The following PARVB variants were observed in gnomAD, a reference collection of about 807,000 sequenced individuals.
PARVB encodes beta-parvin.
A neutral mutation model predicts 47.0 loss-of-function variants in PARVB; 46 were observed. The ratio of observed to expected loss-of-function variants is 0.98; its 90% confidence interval spans 0.77 to 1.25. The LOEUF is 1.25. Among genes scored for constraint, PARVB ranks in the 50% most tolerant of loss-of-function variants. The pLI, the probability that PARVB is intolerant of heterozygous loss-of-function variation, is 0.00. For missense variants in PARVB, 473 were observed against 471.6 expected (o/e 1.00, Z -0.03); for synonymous variants, 196 against 196.3 (o/e 1.00, Z 0.01).
chr22:44,154,207 T>C (rs569178133), intron 10 of PARVB, among the ~76,000 whole-genome samples: 37 of 152,312 alleles, frequency 2.4e-4, no homozygotes, highest in African/African-American at 8.9e-4. Flanking sequence ...TATCTTCATT[T>C]TTTTCCCCCC....
At chr22:44,014,481 A>T (rs1414353424) in intron 2 of PARVB, among the ~76,000 whole-genome samples, 1 of 152,212 alleles carries the variant, frequency 6.6e-6, no homozygotes, top group Admixed American at 6.5e-5. Context: ...CACGAGGCAT[A>T]TGTGGGGAGC....
intron 1 of PARVB, among the ~76,000 whole-genome samples, chr22:44,064,701 A>G (rs2051485147): frequency 6.6e-6 from 1 of 151,686 alleles, no homozygotes; most frequent in Non-Finnish European, 1.5e-5. Flanking sequence ...ACAAAAACAA[A>G]CAGTTGGCTG....
At chr22:44,035,770 A>C (rs995255402) in intron 1 of PARVB, among the ~76,000 whole-genome samples, 1 of 152,086 alleles carries the variant, frequency 6.6e-6, no homozygotes, top group Non-Finnish European at 1.5e-5. Context: ...AACATGATGA[A>C]AAATACGTGG....
At chr22:44,055,956 C>T (rs1476165555) in intron 1 of PARVB, among the ~76,000 whole-genome samples, 1 of 152,206 alleles carries the variant, frequency 6.6e-6, no homozygotes, top group Non-Finnish European at 1.5e-5. Context: ...CTAGAAACAC[C>T]TTCACAGGCA....
intron 1 of PARVB, among the ~76,000 whole-genome samples, chr22:44,052,059 A>T (rs1376679169): frequency 2.0e-5 from 3 of 152,216 alleles, no homozygotes; most frequent in Non-Finnish European, 4.4e-5. Flanking sequence ...TCTGGCCTCC[A>T]GAACTGGGAG....
intron 2 of PARVB, among the ~76,000 whole-genome samples, chr22:44,017,851 G>C (rs1603423199): frequency 1.3e-5 from 2 of 152,070 alleles, no homozygotes; most frequent in Admixed American, 1.3e-4. Context: ...TTCACTGGGG[G>C]TCCGTGGGGT....
intron 1 of PARVB, among the ~76,000 whole-genome samples, chr22:44,032,380 C>A (rs1398800661): frequency 6.6e-6 from 1 of 152,116 alleles, no homozygotes; most frequent in East Asian, 1.9e-4. Context: ...GCCGTGGGGA[C>A]TGAACGCACC....
chr22:44,004,416 G>A (rs2050443526), intron 2 of PARVB, among the ~76,000 whole-genome samples: 1 of 152,066 alleles, frequency 6.6e-6, no homozygotes, highest in Non-Finnish European at 1.5e-5. Flanking sequence ...TTACTCTCAA[G>A]TTAAAAGAGA....
chr22:44,168,777 G>T lies in PARVB; in HGVS notation c.*99G>T. The T allele has an allele frequency of 1.3e-6, 1 of 797,560 alleles. No homozygotes were observed. Among genetic ancestry groups the T allele is most frequent in the Non-Finnish European group, 2.2e-6 (1 of 461,060 alleles). 49.4% of individuals were successfully genotyped at this position (797,560 alleles called of 1,614,324 possible). ...AGGGAGCCAGGCGCCATGGGCTTCT[G>T]GTCCAAGCTGTGTTGACTGTCATCC... On this transcript the variant is annotated 3_prime_UTR_variant, in exon 13 of 13. Coordinates refer to ENST00000338758, the MANE Select transcript of PARVB (RefSeq NM_013327.5).
rs191340199 is a variant in PARVB, at chr22:44,083,062, C to T, written c.113-10866C>T. Among the ~76,000 whole-genome samples, 219 of 152,204 alleles carry T rather than the reference C, an allele frequency of 1.4e-3. 4 individuals carry two copies. Among genetic ancestry groups the T allele is most frequent in the Admixed American group, 0.012 (191 of 15,296 alleles). On this transcript the variant is annotated intron_variant, in intron 1 of 12. Transcript: ENST00000338758. ...TACTAGCAAGTCCCTAATTGCGGAG[C>T]GGACTCCTTCCTCCTGAGCCCATCA...
chr22:44,140,829 A>C, intron 8 of PARVB: 2 of 268,588 alleles, frequency 7.4e-6, no homozygotes, highest in South Asian at 7.8e-5. Context: ...GAGAGAGGTA[A>C]TCACTCTCTC....
intron 2 of PARVB, among the ~76,000 whole-genome samples, chr22:44,096,787 A>G (rs1318321042): frequency 6.6e-6 from 1 of 152,120 alleles, no homozygotes; most frequent in Non-Finnish European, 1.5e-5. Context: ...GTTTTATTGC[A>G]GCTGGCTATG....
intron 2 of PARVB, among the ~76,000 whole-genome samples, chr22:44,012,350 A>G (rs775781066): frequency 5.9e-5 from 9 of 152,192 alleles, no homozygotes; most frequent in Non-Finnish European, 1.2e-4. Flanking sequence ...AAGACGGTTG[A>G]TCAGTGTAGT....
In PARVB at chr22:43,999,246, G is replaced by A. The variant is rs561611864; in HGVS notation, c.-95G>A. The stretch of plus-strand genomic sequence containing the variant: ...ACACTTTGACGTCCTCCCCATCTCC[G>A]GCAGCTCCTTAAACTAAGAACTCAT... On this transcript the variant is annotated 5_prime_UTR_variant, in exon 1 of 14. Coordinates refer to the PARVB transcript ENST00000406477. 6.0e-6 allele frequency: 6 copies of A among 998,378 alleles called. No homozygotes were observed. In the African/African-American group the frequency reaches 6.6e-5, roughly 11 times the overall value. 61.8% of individuals were successfully genotyped at this position (998,378 alleles called of 1,614,324 possible).
chr22:44,171,218 A>C lies in PARVB; in HGVS notation c.*2540A>C, dbSNP rs1012478929. The C allele has an allele frequency of 2.0e-5, 3 of 152,294 alleles. No homozygotes were observed. Among genetic ancestry groups the C allele is most frequent in the Non-Finnish European group, 4.4e-5 (3 of 68,136 alleles). The allele number at this position is 152,294 out of a possible 1,614,324, so 9.4% of individuals were successfully genotyped here. ...GATTTGAAAAGAACAGAGCTTGGCC[A>C]GGTGCGGTGGCTCACGCCTGTAATC... On this transcript the variant is annotated 3_prime_UTR_variant, in exon 13 of 13. Coordinates refer to ENST00000338758, the MANE Select transcript of PARVB (RefSeq NM_013327.5).
chr22:44,010,889 A>ATTT (rs1184137879), intron 2 of PARVB, among the ~76,000 whole-genome samples: 14 of 129,738 alleles, frequency 1.1e-4, no homozygotes, highest in African/African-American at 2.0e-4. Flanking sequence ...CACCATGCCT[A>ATTT]TTTTTTTTTT....
intron 12 of PARVB, among the ~76,000 whole-genome samples, chr22:44,167,498 A>T (rs1400368549): frequency 6.6e-6 from 1 of 152,018 alleles, no homozygotes; most frequent in Non-Finnish European, 1.5e-5. Context: ...TGAGTCCACC[A>T]TGGGAGTGGA....
chr22:43,999,338 CA>C (rs1157865815), exon 1 of PARVB: 1 of 1,602,558 alleles, frequency 6.2e-7, no homozygotes, highest in African/African-American at 1.3e-5. Flanking sequence ...TAGATGTGCA[CA>C]AATGCACCAT....
At chr22:44,006,811 C>T (rs776413070) in intron 2 of PARVB, among the ~76,000 whole-genome samples, 5 of 152,158 alleles carry the variant, frequency 3.3e-5, no homozygotes, top group Non-Finnish European at 5.9e-5. Flanking sequence ...CCACCTGCCA[C>T]GTGGCAGGAT....
Sources: allele counts gnomAD v4.1 joint callset (sites outside exome capture counted in the v4.1 genomes callset), GRCh38; gene constraint gnomAD v4.1.1; transcripts MANE v1.5; gene names NCBI Gene and HGNC (gene_info 2026-07-23, HGNC 2026-07-21).